Variants in JADE3 observed in about 807,000 individuals in gnomAD.
JADE3 encodes jade family PHD finger 3, also known as protein Jade-3.
JADE3 carries 2 observed loss-of-function variants against 50.1 expected under a neutral mutation model. The ratio of observed to expected loss-of-function variants is 0.04; its 90% CI spans 0.02 to 0.13. The LOEUF (loss-of-function observed/expected upper bound fraction) is 0.13. JADE3 is among the 10% of genes least tolerant of loss of function. JADE3 has a pLI of 1.00. For missense variants in JADE3, 475 were observed against 634.4 expected (o/e 0.75, Z 2.70); for synonymous variants, 218 against 232.9 (o/e 0.94, Z 0.58).
chrX:46,913,426 G>C (rs1055978119), intron 1 of JADE3, among the ~76,000 whole-genome samples: 3 of 111,162 alleles, frequency 2.7e-5, no homozygotes, highest in African/African-American at 9.8e-5. Context: ...GGCGGTCCGG[G>C]GGTGGGAAAA....
intron 3 of JADE3, among the ~76,000 whole-genome samples, chrX:46,988,062 G>T (rs1927902790): frequency 9.0e-6 from 1 of 111,426 alleles, no homozygotes; most frequent in African/African-American, 3.3e-5. Flanking sequence ...ATTTATTGAA[G>T]TTTTATGTGC....
At chrX:46,934,333 C>T (rs1926564524) in intron 1 of JADE3, among the ~76,000 whole-genome samples, 2 of 107,906 alleles carry the variant, frequency 1.9e-5, no homozygotes, top group African/African-American at 3.4e-5. Context: ...GAGTCTCCCT[C>T]TGTCACCCAG....
At chrX:46,956,062 G>A (rs1357683120) in intron 1 of JADE3, among the ~76,000 whole-genome samples, 1 of 109,086 alleles carries the variant, frequency 9.2e-6, no homozygotes, top group Non-Finnish European at 1.9e-5. Flanking sequence ...CTTTTTTTGT[G>A]TGTTTTGTTT....
chrX:47,049,211 T>A (rs2146987852), intron 8 of JADE3, among the ~76,000 whole-genome samples: 1 of 89,237 alleles, frequency 1.1e-5, no homozygotes, highest in East Asian at 3.6e-4. Flanking sequence ...TCCCTGAGAC[T>A]GAGTCTTGCT....
intron 7 of JADE3, among the ~76,000 whole-genome samples, chrX:47,036,007 G>A (rs1301213721): frequency 9.1e-6 from 1 of 110,203 alleles, no homozygotes; most frequent in Non-Finnish European, 1.9e-5. Context: ...AGCCAGGTGT[G>A]GTGGTGCATG....
At chrX:47,006,459 GTT>G (rs61687892) in intron 4 of JADE3, among the ~76,000 whole-genome samples, 14 of 76,646 alleles carry the variant, frequency 1.8e-4, no homozygotes, top group Admixed American at 2.9e-4. Flanking sequence ...AATTTTTGTA[GTT>G]TTTTTTTTTT....
At chrX:46,924,293 A>G (rs1156882752) in intron 1 of JADE3, among the ~76,000 whole-genome samples, 2 of 111,739 alleles carry the variant, frequency 1.8e-5, no homozygotes, top group African/African-American at 6.5e-5. Flanking sequence ...CTCTCATGCC[A>G]GCTCATACTC....
chrX:46,972,198 G>GT (rs1296175169), intron 1 of JADE3, among the ~76,000 whole-genome samples: 8 of 110,125 alleles, frequency 7.3e-5, no homozygotes, highest in South Asian at 3.9e-4. Flanking sequence ...GTATAATAAA[G>GT]TTTTTTTTTC....
At chrX:46,992,074 C>G (rs1928024463) in intron 3 of JADE3, among the ~76,000 whole-genome samples, 1 of 111,131 alleles carries the variant, frequency 9.0e-6, no homozygotes, top group Non-Finnish European at 1.9e-5. Context: ...TTGAGGTTCT[C>G]TCTCCTGTAG....
intron 1 of JADE3, among the ~76,000 whole-genome samples, chrX:46,982,418 A>G (rs1289173556): frequency 9.0e-6 from 1 of 111,223 alleles, no homozygotes; most frequent in African/African-American, 3.3e-5. Context: ...CTTCGAACAT[A>G]TTTATATGGC....
intron 4 of JADE3, among the ~76,000 whole-genome samples, chrX:47,023,661 G>A (rs75308600): frequency 4.6e-4 from 51 of 111,492 alleles, no homozygotes; most frequent in South Asian, 3.0e-3. Context: ...TAATCCCAGC[G>A]CTTTGGGAGG....
Position 46,940,771 on chromosome X carries a change from C to T in JADE3, c.-12+28052C>T, listed in dbSNP as rs369675120. 4.6e-3 allele frequency among the ~76,000 whole-genome samples: 505 copies of T among 110,972 alleles called. 2 individuals carry two copies. Among genetic ancestry groups the T allele is most frequent in the African/African-American group, 0.016 (487 of 30,491 alleles). On this transcript the variant is annotated intron_variant, in intron 1 of 10. Transcript: ENST00000614628. ...GTTGTTCCCAACCTCTTCCCGTTTT[C>T]TCCCCTTCTTTTCAAAGACCAAATG...
At position 46,939,350 on chromosome X, in the gene JADE3, G is replaced by A. The variant is rs781868498; in HGVS notation, c.-12+26631G>A. 5.4e-5 allele frequency among the ~76,000 whole-genome samples: 6 copies of A among 110,595 alleles called. No homozygotes were observed. The East Asian group carries it at 1.7e-3, about 31-fold the overall frequency. ...TCAGCTCTAGATTTTATAATAGACT[G>A]GAATAATATTGATAAAAGACTTCTT... On this transcript the variant is annotated intron_variant, in intron 1 of 10. Coordinates refer to ENST00000614628, the MANE Select transcript of JADE3 (RefSeq NM_014735.5).
intron 1 of JADE3, among the ~76,000 whole-genome samples, chrX:46,965,045 A>G (rs1473007870): frequency 3.6e-5 from 4 of 112,240 alleles, no homozygotes; most frequent in Non-Finnish European, 7.5e-5. Context: ...AAAAAATTAG[A>G]CATATCTGTG....
Position 47,058,296 on chromosome X carries a change from C to T in JADE3, c.1691C>T (p.Pro564Leu). The change falls in exon 11 of 11, where the codon CCC (proline) becomes CTC (leucine). Residue 564 changes from proline to leucine, a missense_variant. Coordinates refer to ENST00000614628, the MANE Select transcript of JADE3 (RefSeq NM_014735.5). The stretch of plus-strand genomic sequence containing the variant: ...AGCTCCACAGAAACCGATCAGCAGC[C>T]CCACTCTCCTGACAGCAGCTCATCT... ...RNSSTETDQQ[P>L]HSPDSSSSVH... 8.3e-7 allele frequency: 1 copy of T among 1,210,982 alleles called. No individual in the cohort carries two copies. Among genetic ancestry groups the T allele is most frequent in the Non-Finnish European group, 1.1e-6 (1 of 895,254 alleles).
intron 8 of JADE3, among the ~76,000 whole-genome samples, chrX:47,050,749 CAAT>C (rs367991394): frequency 4.1e-3 from 460 of 111,659 alleles, no homozygotes; most frequent in African/African-American, 0.014. Context: ...TTTAGCTTCC[CAAT>C]AATAGTAGTT....
At chrX:46,969,733 G>T (rs1927445692) in intron 1 of JADE3, among the ~76,000 whole-genome samples, 1 of 111,638 alleles carries the variant, frequency 9.0e-6, no homozygotes, top group African/African-American at 3.3e-5. Context: ...GGAGGCTGAG[G>T]CACAAGAATT....
intron 3 of JADE3, among the ~76,000 whole-genome samples, chrX:46,991,893 G>A (rs1486819487): frequency 3.6e-5 from 4 of 110,982 alleles, no homozygotes; most frequent in South Asian, 3.9e-4. Context: ...GGCAGTATTC[G>A]CTAATCTTCT....
At chrX:46,971,620 C>T (rs868934775) in intron 1 of JADE3, among the ~76,000 whole-genome samples, 1 of 104,350 alleles carries the variant, frequency 9.6e-6, no homozygotes, top group African/African-American at 3.5e-5. Flanking sequence ...ACGGTGAAAC[C>T]CTGTCTCTAC....
Sources: gnomAD v4.1 joint callset for allele counts (sites outside exome capture counted in the v4.1 genomes callset) on GRCh38, gnomAD v4.1.1 for gene constraint, MANE v1.5 for transcripts, NCBI Gene and HGNC (gene_info 2026-07-23, HGNC 2026-07-21) for gene names.